Variants in MAP3K2 observed in about 807,000 individuals in gnomAD.
The protein encoded by MAP3K2 is mitogen-activated protein kinase kinase kinase 2, also known as MAP/ERK kinase kinase 2.
A neutral mutation model predicts 80.3 loss-of-function variants in MAP3K2; 24 were observed. The ratio of observed to expected loss-of-function variants is 0.30; its 90% CI spans 0.22 to 0.42. The LOEUF (loss-of-function observed/expected upper bound fraction) is 0.42, where lower values mean the gene tolerates loss of function less well. Ranked by LOEUF, MAP3K2 falls within the 10% of genes least tolerant of loss-of-function variation. The pLI is 1.00. For missense variants in MAP3K2, 608 were observed against 750.1 expected, an observed-to-expected ratio of 0.81 and a Z score of 2.21; for synonymous variants, 244 against 253.7, an observed-to-expected ratio of 0.96 and a Z score of 0.36.
At chr2:127,330,639 G>A (rs867512137) in intron 5 of MAP3K2, 134 bp from the exon 6 acceptor site, 5 of 512,634 alleles carry the variant, frequency 9.8e-6, no homozygotes, top group African/African-American at 5.9e-5. Flanking sequence ...AAGTCTGAAT[G>A]TGTATGTGTA....
In MAP3K2 at chr2:127,330,429, C is replaced by T. The variant is rs766702550; in HGVS notation, c.341G>A (p.Ser114Asn). 1.9e-5 allele frequency: 30 copies of T among 1,606,928 alleles called. No homozygotes were observed. Among genetic ancestry groups the T allele is most frequent in the Non-Finnish European group, 2.6e-5 (30 of 1,175,828 alleles). Residue 114 changes from serine (S) to asparagine (N), a missense_variant, in exon 6 of 17, where the codon AGC becomes AAC. Physicochemically the swap from Ser to Asn is conservative, Grantham distance 46 (BLOSUM62 1). Around this residue, in one of 4 missense-constraint regions of MAP3K2, gnomAD observed 467 missense variants for 521.9 expected, o/e 0.89. Transcript: ENST00000682094. ...ATTTATTACAAGTAATATCTTGAGG[C>T]TCTTCATATGAATACTACGATCCAG... ...ELLDRSIHMK[S>N]LKILLVINGS...
rs755245528 is a variant in MAP3K2, at chr2:127,374,022, C to T, written c.-66+13430G>A. ...TACTAAAATAGTTCAATCCCCCATA[C>T]CTAATGCTTTAACATTGTTTACTAA... is the stretch of plus-strand genomic sequence containing the variant. On this transcript the variant is annotated intron_variant, in intron 1 of 16. Coordinates refer to ENST00000682094, the MANE Select transcript of MAP3K2 (RefSeq NM_001371910.2). Among the ~76,000 whole-genome samples the T allele has an allele frequency of 1.6e-4, 24 of 152,302 alleles. No individual in the cohort carries two copies. In the Middle Eastern group the frequency reaches 0.017, roughly 108 times the overall value.
chr2:127,351,013 T>G (rs1686683099), intron 1 of MAP3K2, among the ~76,000 whole-genome samples: 1 of 152,144 alleles, frequency 6.6e-6, no homozygotes, highest in Non-Finnish European at 1.5e-5. Flanking sequence ...TAGACAAATC[T>G]CAATTGAGAA....
In MAP3K2 at chr2:127,374,625, T is replaced by C. The variant is rs1393256979; in HGVS notation, c.-66+12827A>G. 5.3e-5 allele frequency among the ~76,000 whole-genome samples: 8 copies of C among 152,254 alleles called. No homozygotes were observed. The East Asian group carries it at 1.2e-3, about 22-fold the overall frequency. ...GGCAAACAGATGTTACACGCATCCC[T>C]GAATTTGGAAAACGTAGATATGTAC... On this transcript the variant is annotated intron_variant, in intron 1 of 16. Transcript: ENST00000682094.
rs56300936 is a variant in MAP3K2 at position 127,342,388 on chromosome 2, GGTGTGT to G, written c.4+732_4+737del. 9.7e-3 allele frequency among the ~76,000 whole-genome samples: 1,436 copies of G among 147,852 alleles called. 5 individuals are homozygous for G. Among genetic ancestry groups the G allele is most frequent in the South Asian group, 0.014 (66 of 4,632 alleles). ...TGGGCAAATATAAGTTCTTCATGAGGGTGTGTGTGTGTGTGTGTGTGTGTGTGTGTG... is the reference window on the plus strand; with the variant it reads ...TGGGCAAATATAAGTTCTTCATGAGGGTGTGTGTGTGTGTGTGTGTGTGTG... On this transcript the variant is annotated intron_variant, in intron 2 of 16. Transcript: ENST00000682094.
intron 12 of MAP3K2, among the ~76,000 whole-genome samples, chr2:127,320,215 A>G (rs1685989810): frequency 6.6e-6 from 1 of 152,214 alleles, no homozygotes; most frequent in African/African-American, 2.4e-5. Flanking sequence ...TAAAATAACT[A>G]TGACTAACAT....
chr2:127,330,965 T>C (rs1686244949), intron 5 of MAP3K2, among the ~76,000 whole-genome samples: 1 of 152,196 alleles, frequency 6.6e-6, no homozygotes, highest in Admixed American at 6.5e-5. Context: ...ACCAACATCC[T>C]GAGCACCTGC....
chr2:127,385,775 C>A (rs1687334268), intron 1 of MAP3K2, among the ~76,000 whole-genome samples: 1 of 152,018 alleles, frequency 6.6e-6, no homozygotes. Context: ...TGCAGAGTAT[C>A]AAACATGACT....
rs770387528 is a variant in MAP3K2 at position 127,303,883 on chromosome 2, A to C, written c.*3696T>G. 1.3e-5 allele frequency: 2 copies of C among 152,168 alleles called. No homozygotes were observed. Among genetic ancestry groups the C allele is most frequent in the Non-Finnish European group, 2.9e-5 (2 of 68,016 alleles). The allele number at this position is 152,168 out of a possible 1,614,324, so 9.4% of individuals were successfully genotyped here. On this transcript the variant is annotated 3_prime_UTR_variant, in exon 17 of 17. Transcript: ENST00000682094. Reference sequence around the variant, plus strand: ...TTGGTCATCCTGCTAAACTATTCACATCTGATTTTATTTTCTAAGTGATTT... The same window carrying C: ...TTGGTCATCCTGCTAAACTATTCACCTCTGATTTTATTTTCTAAGTGATTT...
chr2:127,318,133 A>G (rs761020242), intron 13 of MAP3K2, 36 bp downstream of exon 13: 42 of 1,518,226 alleles, frequency 2.8e-5, no homozygotes, highest in Non-Finnish European at 2.6e-5. Context: ...AAAGTTTCTT[A>G]TAATGTGACA....
At position 127,323,937 on chromosome 2, in the gene MAP3K2, T is replaced by A; in HGVS notation, c.803A>T (p.Tyr268Phe). The A allele has an allele frequency of 6.4e-7, 1 of 1,564,510 alleles. No individual in the cohort carries two copies. Among genetic ancestry groups the A allele is most frequent in the Non-Finnish European group, 8.7e-7 (1 of 1,145,462 alleles). Residue 268 changes from tyrosine to phenylalanine, a missense_variant, in exon 11 of 17, where the codon TAT (tyrosine) becomes TTT (phenylalanine). Tyr to Phe is a conservative substitution (Grantham distance 22, BLOSUM62 3). Around this residue, in one of 4 missense-constraint regions of MAP3K2, gnomAD observed 467 missense variants for 521.9 expected, o/e 0.89. Coordinates refer to ENST00000682094, the MANE Select transcript of MAP3K2 (RefSeq NM_001371910.2). ...FGKGGTYPRR[Y>F]HVSYHHQEYN... ...CTCTTGATGATGATATGAAACATGA[T>A]ACCTTCTTGGATATGTTCCTCCTTT...
In MAP3K2 at chr2:127,303,302, GT is replaced by G. The variant is rs1267027852; in HGVS notation, c.*4276del. On this transcript the variant is annotated 3_prime_UTR_variant, in exon 17 of 17. Transcript: ENST00000682094. ...CACAATTTAGACCAAAATAAAGTAT[GT>G]TTTCTTTAAAAGAGACACTGGGGAA... The G allele has an allele frequency of 1.4e-5, 2 of 147,146 alleles. No individual in the cohort carries two copies. Among genetic ancestry groups the G allele is most frequent in the Non-Finnish European group, 3.0e-5 (2 of 66,978 alleles). 9.1% of individuals were successfully genotyped at this position (147,146 alleles called of 1,614,324 possible).
At chr2:127,387,032 C>G (rs1687364517) in intron 1 of MAP3K2, among the ~76,000 whole-genome samples, 1 of 152,120 alleles carries the variant, frequency 6.6e-6, no homozygotes, top group African/African-American at 2.4e-5. Context: ...TAAGAGCACC[C>G]TAAGTGCTAC....
intron 1 of MAP3K2, among the ~76,000 whole-genome samples, chr2:127,372,910 T>C (rs888306904): frequency 1.3e-5 from 2 of 152,310 alleles, no homozygotes; most frequent in South Asian, 2.1e-4. Context: ...ACGACTTATG[T>C]GCTATCAATG....
chr2:127,332,831 C>T (rs1478470866), intron 5 of MAP3K2, among the ~76,000 whole-genome samples: 1 of 152,042 alleles, frequency 6.6e-6, no homozygotes, highest in East Asian at 1.9e-4. Flanking sequence ...TGAAGACAGC[C>T]ATTAAAAGGT....
intron 4 of MAP3K2, among the ~76,000 whole-genome samples, chr2:127,337,184 G>A (rs1052649644): frequency 2.0e-5 from 3 of 151,896 alleles, no homozygotes; most frequent in Non-Finnish European, 2.9e-5. Context: ...ATTAGGTCTT[G>A]TTAGCAATTT....
chr2:127,322,104 C>CCTT lies in MAP3K2; in HGVS notation c.984_986dup (p.Arg329dup). The CCTT allele has an allele frequency of 6.2e-7, 1 of 1,613,778 alleles. No individual in the cohort carries two copies. The highest frequency in any genetic ancestry group is 8.5e-7 in the Non-Finnish European group (1 of 1,179,826). On this transcript the variant is annotated inframe_insertion, in exon 12 of 17. Coordinates refer to ENST00000682094, the MANE Select transcript of MAP3K2 (RefSeq NM_001371910.2). This position sits in a 1 kb window ranked among gnomAD's most constrained non-coding sequence, Gnocchi z 4.2. The stretch of plus-strand genomic sequence containing the variant: ...AAGTAGGATTGTCTATGTCACTTCC[C>CCTT]CTTCTTCTTATTCGACTATCATCAT...
chr2:127,335,197 C>T (rs745398645), intron 5 of MAP3K2, among the ~76,000 whole-genome samples: 49 of 152,048 alleles, frequency 3.2e-4, no homozygotes, highest in Admixed American at 9.2e-4. Flanking sequence ...TAGCATTATG[C>T]CTGAAAAATT....
At chr2:127,311,640 C>A (rs536199205) in intron 15 of MAP3K2, among the ~76,000 whole-genome samples, 1 of 152,238 alleles carries the variant, frequency 6.6e-6, no homozygotes, top group African/African-American at 2.4e-5. Flanking sequence ...CAACCACTCC[C>A]CCTCCCCTCT....
Sources: allele counts gnomAD v4.1 joint callset (sites outside exome capture counted in the v4.1 genomes callset), GRCh38; gene constraint gnomAD v4.1.1; regional missense constraint gnomAD v4.1.1; non-coding constraint Gnocchi (gnomAD v3.1); transcripts MANE v1.5; gene names NCBI Gene and HGNC (gene_info 2026-07-23, HGNC 2026-07-21).